The following ATP11C variants were observed in gnomAD, a reference collection of about 807,000 sequenced individuals.
ATP11C encodes the protein phospholipid-transporting ATPase IG.
ATP11C carries 36 observed loss-of-function variants against 97.4 expected under a neutral mutation model. The observed-to-expected ratio is 0.37, with a 90% CI of 0.28 to 0.49. The LOEUF (loss-of-function observed/expected upper bound fraction) is 0.49. Ranked by LOEUF, ATP11C falls within the 20% of genes least tolerant of loss-of-function variation. The pLI is 0.98. For synonymous variants in ATP11C, 275 were observed against 290.9 expected (o/e 0.95, Z 0.56); for missense variants, 730 against 824.6 (o/e 0.89, Z 1.40).
chrX:139,861,691 C>A (rs183531089), intron 1 of ATP11C, among the ~76,000 whole-genome samples: 1 of 110,437 alleles, frequency 9.1e-6, no homozygotes, highest in East Asian at 2.8e-4. Context: ...CTCAAGCCTG[C>A]ATACCTAACA....
At position 139,750,127 on chromosome X, in the gene ATP11C, G is replaced by A. The variant is rs2081780721; in HGVS notation, c.2726C>T (p.Thr909Ile). 8.3e-7 allele frequency: 1 copy of A among 1,199,679 alleles called. No individual in the cohort carries two copies. The change falls in exon 24 of 30, where the codon ACA becomes ATA. Residue 909 changes from threonine (T) to isoleucine (I), a missense_variant. Transcript: ENST00000682941. ...QQPLYDAAYL[T>I]MYNICFTSLP... Reference sequence around the variant, plus strand: ...GGATGTGAAGCAGATATTGTACATTGTAAGGTAAGCAGCATCATACAGTGG... The same window carrying A: ...GGATGTGAAGCAGATATTGTACATTATAAGGTAAGCAGCATCATACAGTGG...
chrX:139,757,940 TA>T, intron 22 of ATP11C, 73 bp from the exon 23 acceptor site: 1 of 656,737 alleles, frequency 1.5e-6, no homozygotes, highest in Non-Finnish European at 2.3e-6. Context: ...TGGGAAACTA[TA>T]TTCCAAATAG....
At chrX:139,819,846 A>C (rs2083366187) in intron 2 of ATP11C, among the ~76,000 whole-genome samples, 1 of 112,104 alleles carries the variant, frequency 8.9e-6, no homozygotes, top group Non-Finnish European at 1.9e-5. Context: ...TATTGTTTAC[A>C]ATTTTCCCAA....
At chrX:139,816,806 T>C in intron 4 of ATP11C, 57 bp downstream of exon 4, 4 of 824,165 alleles carry the variant, frequency 4.9e-6, no homozygotes, top group Non-Finnish European at 7.2e-6. Context: ...CCTTTGACAA[T>C]GAAATTCCAA....
At chrX:139,919,268 A>G (rs1229253312) in intron 1 of ATP11C, among the ~76,000 whole-genome samples, 1 of 108,677 alleles carries the variant, frequency 9.2e-6, no homozygotes, top group Non-Finnish European at 1.9e-5. Flanking sequence ...TGGCTGGCGT[A>G]GTGGCTCTCA....
chrX:139,888,811 AG>A (rs200200335), intron 1 of ATP11C, among the ~76,000 whole-genome samples: 20 of 107,019 alleles, frequency 1.9e-4, no homozygotes, highest in East Asian at 5.9e-4. Flanking sequence ...ACCTGAACAC[AG>A]TTTTTTTTTT....
chrX:139,764,584 G>A (rs937562028), intron 20 of ATP11C, among the ~76,000 whole-genome samples: 1 of 112,699 alleles, frequency 8.9e-6, no homozygotes, highest in African/African-American at 3.2e-5. Context: ...GCTAAATAAT[G>A]CTTTGCAAAA....
intron 1 of ATP11C, among the ~76,000 whole-genome samples, chrX:139,916,807 A>T (rs772941707): frequency 8.9e-6 from 1 of 111,835 alleles, no homozygotes; most frequent in African/African-American, 3.2e-5. Context: ...TAGCCAAAAC[A>T]ATCTTGAAAA....
chrX:139,818,199 C>T (rs924729096), intron 3 of ATP11C, among the ~76,000 whole-genome samples: 2 of 112,055 alleles, frequency 1.8e-5, no homozygotes, highest in Non-Finnish European at 3.8e-5. Context: ...TGATAACTTA[C>T]ACTGTATACC....
At chrX:139,883,057 C>T (rs763937435) in intron 1 of ATP11C, among the ~76,000 whole-genome samples, 13 of 111,479 alleles carry the variant, frequency 1.2e-4, no homozygotes, top group Admixed American at 1.9e-4. Flanking sequence ...GCTAGCAGAA[C>T]GAAGGGTGGA....
chrX:139,806,811 T>C (rs1016886601), intron 5 of ATP11C, among the ~76,000 whole-genome samples: 1 of 111,554 alleles, frequency 9.0e-6, no homozygotes, highest in Admixed American at 9.5e-5. Context: ...GCCAGAATCA[T>C]AGACCCCTTT....
chrX:139,774,738 C>G lies in ATP11C; in HGVS notation c.2168G>C (p.Arg723Pro). ...AGGAAACTCATGCAGCAATTTCTTG[C>G]GATATTCTATCAATAATTCATGTAA... Reference protein sequence around the residue: ...DRLHELLIEYRKKLLHEFPKS... With the variant: ...DRLHELLIEYPKKLLHEFPKS... The change falls in exon 19 of 30, where the codon CGC becomes CCC. Residue 723 changes from arginine (R) to proline (P), a missense_variant. By Grantham distance (103) the Arg-to-Pro change is moderately radical. Transcript: ENST00000682941. The G allele has an allele frequency of 8.3e-7, 1 of 1,209,662 alleles. No homozygotes were observed. Among genetic ancestry groups the G allele is most frequent in the Non-Finnish European group, 1.1e-6 (1 of 893,733 alleles).
chrX:139,816,996 T>C (rs922456370), intron 3 of ATP11C, 53 bp from the exon 4 acceptor site: 13 of 781,781 alleles, frequency 1.7e-5, no homozygotes, highest in Admixed American at 2.6e-5. Flanking sequence ...CATTAACTCA[T>C]ATGCAGCACT....
intron 21 of ATP11C, among the ~76,000 whole-genome samples, chrX:139,762,796 G>GAA (rs11409380): frequency 9.1e-6 from 1 of 109,936 alleles, no homozygotes; most frequent in African/African-American, 3.3e-5. Flanking sequence ...CCAGAGAAGG[G>GAA]AAAAAAAATG....
intron 1 of ATP11C, among the ~76,000 whole-genome samples, chrX:139,929,576 C>G (rs148133617): frequency 2.4e-3 from 265 of 111,319 alleles, no homozygotes; most frequent in African/African-American, 8.5e-3. Context: ...TTTCAATAAC[C>G]AACAACTACA....
intron 6 of ATP11C, among the ~76,000 whole-genome samples, chrX:139,803,912 G>A (rs1429600830): frequency 9.3e-6 from 1 of 107,557 alleles, no homozygotes; most frequent in Non-Finnish European, 1.9e-5. Context: ...TGTTGGCCAG[G>A]CTGGTTTCGA....
At chrX:139,886,521 C>T (rs2084644396) in intron 1 of ATP11C, among the ~76,000 whole-genome samples, 1 of 102,626 alleles carries the variant, frequency 9.7e-6, no homozygotes, top group Non-Finnish European at 2.0e-5. Context: ...TGCTTGAACC[C>T]GGGAAGTGGA....
At chrX:139,789,577 T>C (rs1355206489) in intron 12 of ATP11C, 89 bp from the exon 13 acceptor site, 2 of 707,625 alleles carry the variant, frequency 2.8e-6, no homozygotes, top group Non-Finnish European at 4.1e-6. Flanking sequence ...TTCATATCCA[T>C]AGGAAATCAC....
At chrX:139,795,193 A>G (rs1475367755) in intron 12 of ATP11C, among the ~76,000 whole-genome samples, 1 of 111,880 alleles carries the variant, frequency 8.9e-6, no homozygotes, top group African/African-American at 3.2e-5. Context: ...GTGCCTTGGT[A>G]TCTACACAGG....
Sources: allele counts gnomAD v4.1 joint callset (sites outside exome capture counted in the v4.1 genomes callset), GRCh38; gene constraint gnomAD v4.1.1; transcripts MANE v1.5; gene names NCBI Gene and HGNC (gene_info 2026-07-23, HGNC 2026-07-21).